IKBKG: variants seen among roughly 807,000 people sequenced by gnomAD.
IKBKG encodes NF-kappa-B essential modulator.
In IKBKG, 2 loss-of-function variants were observed where a neutral mutation model predicts 13.7. That is an observed-to-expected ratio of 0.15 (90% CI 0.06 to 0.46). The LOEUF is 0.46. Ranked by LOEUF, IKBKG falls within the 20% of genes least tolerant of loss-of-function variation. The pLI is 0.98. For synonymous variants in IKBKG, 22 were observed against 64.4 expected (o/e 0.34, Z 3.15); for missense variants, 53 against 150.3 (o/e 0.35, Z 3.39).
At chrX:154,544,367 G>A (rs1389593137), upstream of IKBKG, among the ~76,000 whole-genome samples, 2 of 104,405 alleles carry the variant, frequency 1.9e-5, no homozygotes, top group South Asian at 8.2e-4. Context: ...TCACCATGTT[G>A]GCCAGGATGG....
chrX:154,547,530 C>G (rs2070779151), upstream of IKBKG: 2 of 754,864 alleles, frequency 2.6e-6, no homozygotes, highest in Non-Finnish European at 1.6e-6. Flanking sequence ...GGGATGCGGC[C>G]CTACCGCGGC....
At chrX:154,547,216 C>A, upstream of IKBKG, 3 of 522,438 alleles carry the variant, frequency 5.7e-6, no homozygotes, top group Non-Finnish European at 4.7e-6. Flanking sequence ...GGCTCCACTT[C>A]CGCCGGCAGC....
At chrX:154,547,289 C>T (rs1301894587), upstream of IKBKG, 37 of 741,767 alleles carry the variant, frequency 5.0e-5, no homozygotes, top group Non-Finnish European at 5.7e-5. Context: ...CGCGCCACTC[C>T]CCCGGGAACC....
At chrX:154,549,073 C>T (rs781849315) in intron 1 of IKBKG, among the ~76,000 whole-genome samples, 6 of 105,950 alleles carry the variant, frequency 5.7e-5, no homozygotes, top group Non-Finnish European at 1.2e-4. Context: ...CCCACTGCAA[C>T]TTCCGCCTCC....
chrX:154,552,497 G>A (rs782405041), intron 2 of IKBKG, among the ~76,000 whole-genome samples: 4 of 110,175 alleles, frequency 3.6e-5, no homozygotes, highest in Admixed American at 9.6e-5. Context: ...AACCTTCCAG[G>A]TTGGACCAAC....
intron 2 of IKBKG, among the ~76,000 whole-genome samples, chrX:154,553,876 G>A (rs2070998698): frequency 8.9e-6 from 1 of 112,754 alleles, no homozygotes; most frequent in Admixed American, 9.3e-5. Context: ...TCATCCCCAG[G>A]AGAGTGCTCT....
upstream of IKBKG, among the ~76,000 whole-genome samples, chrX:154,544,931 A>G (rs1410049081): frequency 8.9e-6 from 1 of 112,611 alleles, no homozygotes; most frequent in Non-Finnish European, 1.9e-5. Flanking sequence ...TAGTTTTGAT[A>G]GAGCTCCTGC....
chrX:154,549,113 G>T (rs1160430579), intron 1 of IKBKG, among the ~76,000 whole-genome samples: 2 of 106,403 alleles, frequency 1.9e-5, no homozygotes, highest in Non-Finnish European at 3.9e-5. Flanking sequence ...TGCCTCAGCC[G>T]CTGGGACTAC....
upstream of IKBKG, chrX:154,546,081 G>A: frequency 8.3e-7 from 1 of 1,211,730 alleles, no homozygotes. Context: ...ACTGATGGAA[G>A]GCATCGCCCT....
At chrX:154,546,425 A>G (rs1269141476), upstream of IKBKG, among the ~76,000 whole-genome samples, 1 of 112,442 alleles carries the variant, frequency 8.9e-6, no homozygotes, top group Non-Finnish European at 1.9e-5. Context: ...TTCCGACTAC[A>G]GCATCAATTC....
intron 2 of IKBKG, among the ~76,000 whole-genome samples, chrX:154,555,010 C>T (rs782678264): frequency 9.0e-6 from 1 of 111,642 alleles, no homozygotes; most frequent in East Asian, 2.8e-4. Context: ...GGGTGTGGGG[C>T]TCTCCTTCCT....
At chrX:154,547,929 C>T (rs1445698735) in intron 1 of IKBKG, 184 bp downstream of exon 1, 1 of 753,666 alleles carries the variant, frequency 1.3e-6, no homozygotes, top group Non-Finnish European at 1.6e-6. Context: ...GCGAGCTGGA[C>T]TGTTTCTACT....
At chrX:154,549,203 G>C (rs2070853982) in intron 1 of IKBKG, among the ~76,000 whole-genome samples, 1 of 108,882 alleles carries the variant, frequency 9.2e-6, no homozygotes, top group South Asian at 3.9e-4. Flanking sequence ...GGATGGTCTT[G>C]ATCTCTTGAC....
Position 154,550,234 on chromosome X carries a change from TTGTG to T in IKBKG, c.-15-1732_-15-1729del, listed in dbSNP as rs371906365. ...ATTTCTTGATGGATTAGATGTGCTC[TTGTG>T]TGTGTGTGTGTGTGTGTGTGTATGT... On this transcript the variant is annotated intron_variant, in intron 1 of 9. Transcript: ENST00000594239. Among the ~76,000 whole-genome samples, 179 of 99,526 alleles carry T rather than the reference TTGTG, an allele frequency of 1.8e-3. 1 individual carries two copies. Among genetic ancestry groups the T allele is most frequent in the East Asian group, 0.015 (48 of 3,262 alleles). The allele number at this position is 99,526 out of a possible 115,157, so 86.4% of individuals were successfully genotyped here. A position where few individuals can be genotyped will look rare whatever the true frequency, so the allele number is the denominator to read the frequency against.
chrX:154,546,054 G>T (rs1557233164), upstream of IKBKG: 2 of 1,211,027 alleles, frequency 1.7e-6, no homozygotes, highest in Admixed American at 4.3e-5. Flanking sequence ...CCATGATGAT[G>T]AATATGTGTG....
chrX:154,553,062 C>T (rs2070978119), intron 2 of IKBKG, among the ~76,000 whole-genome samples: 1 of 112,728 alleles, frequency 8.9e-6, no homozygotes, highest in Admixed American at 9.3e-5. Context: ...GGAGGGGCGG[C>T]ATAGACTCCC....
At chrX:154,551,574 A>G (rs2070934450) in intron 1 of IKBKG, among the ~76,000 whole-genome samples, 1 of 111,812 alleles carries the variant, frequency 8.9e-6, no homozygotes, top group African/African-American at 3.3e-5. Flanking sequence ...CATATGTTTC[A>G]GGGGTTAGAA....
chrX:154,542,783 G>T (rs1452051020), upstream of IKBKG, among the ~76,000 whole-genome samples: 2 of 111,879 alleles, frequency 1.8e-5, no homozygotes, highest in African/African-American at 6.5e-5. Flanking sequence ...CTCTTTGTGG[G>T]ATCTATGCGC....
chrX:154,562,595 G>GA (rs1457540616), intron 6 of IKBKG, among the ~76,000 whole-genome samples: 1 of 2,156 alleles, frequency 4.6e-4, no homozygotes, highest in Non-Finnish European at 9.5e-4. Context: ...CTTCAGTCCT[G>GA]AAAAAAACCT....
Sources: allele counts gnomAD v4.1 joint callset (sites outside exome capture counted in the v4.1 genomes callset), GRCh38; gene constraint gnomAD v4.1.1; transcripts MANE v1.5; gene names NCBI Gene and HGNC (gene_info 2026-07-23, HGNC 2026-07-21).